Variants in GMFB observed in about 807,000 individuals in gnomAD.
GMFB encodes the protein GMF-beta.
A neutral mutation model predicts 25.6 loss-of-function variants in GMFB; 13 were observed. The observed-to-expected ratio is 0.51, with a 90% CI of 0.33 to 0.81. The LOEUF (loss-of-function observed/expected upper bound fraction) is 0.81, where lower values mean the gene tolerates loss of function less well. GMFB is among the 30% of genes least tolerant of loss of function. The probability of loss-of-function intolerance (pLI) is 0.02; values close to 1 mark genes in which losing one functional copy is unlikely to be tolerated. For synonymous variants in GMFB, 57 were observed against 56.9 expected, an observed-to-expected ratio of 1.00 and a Z score of 0.00; for missense variants, 146 against 175.4, an observed-to-expected ratio of 0.83 and a Z score of 0.95.
intron 1 of GMFB, 143 bp downstream of exon 1, chr14:54,488,781 TG>T: frequency 1.7e-6 from 1 of 603,266 alleles, no homozygotes; most frequent in Non-Finnish European, 2.7e-6. Context: ...ACTCTAGCTA[TG>T]GGCACTGGCC....
chr14:54,480,010 T>G (rs909269491), intron 5 of GMFB, 151 bp from the exon 6 acceptor site: 2 of 562,480 alleles, frequency 3.6e-6, no homozygotes, highest in African/African-American at 1.9e-5. Context: ...AGTCTTACAT[T>G]GCACACTGCC....
intron 1 of GMFB, among the ~76,000 whole-genome samples, chr14:54,486,762 G>T (rs904070917): frequency 2.6e-5 from 4 of 151,960 alleles, no homozygotes; most frequent in Admixed American, 2.0e-4. Flanking sequence ...AAGAAACTAA[G>T]GTTTAGAGAG....
chr14:54,483,427 C>A, intron 2 of GMFB: 4 of 428,616 alleles, frequency 9.3e-6, no homozygotes, highest in Non-Finnish European at 1.7e-5. Flanking sequence ...CCAAGACGAC[C>A]GCCTTCTCCA....
intron 1 of GMFB, among the ~76,000 whole-genome samples, chr14:54,486,110 C>T (rs946779320): frequency 1.3e-5 from 2 of 152,096 alleles, no homozygotes; most frequent in East Asian, 1.9e-4. Context: ...ATTAGCTGGG[C>T]GTGGTGGCAA....
chr14:54,488,695 C>T, intron 1 of GMFB: 1 of 486,264 alleles, frequency 2.1e-6, no homozygotes, highest in Non-Finnish European at 3.6e-6. Flanking sequence ...AGTCCCATGG[C>T]CCGCTGGGCG....
chr14:54,480,419 A>C (rs2031695137), intron 5 of GMFB: 1 of 157,716 alleles, frequency 6.3e-6, no homozygotes, highest in Non-Finnish European at 1.4e-5. Flanking sequence ...TGAATTCCTT[A>C]AATACCAGTA....
chr14:54,480,638 G>A (rs142971263), intron 5 of GMFB: 1 of 356,798 alleles, frequency 2.8e-6, no homozygotes, highest in African/African-American at 2.1e-5. Flanking sequence ...TGTATGATTT[G>A]AGTCAACAAT....
At chr14:54,480,828 A>C (rs754689184) in intron 5 of GMFB, 46 bp downstream of exon 5, 2 of 943,824 alleles carry the variant, frequency 2.1e-6, no homozygotes, top group Admixed American at 2.1e-5. Context: ...AAAATGGCTT[A>C]ATTGGATCTA....
At chr14:54,483,618 G>T in intron 2 of GMFB, 53 bp downstream of exon 2, 1 of 909,714 alleles carries the variant, frequency 1.1e-6, no homozygotes, top group Non-Finnish European at 1.8e-6. Flanking sequence ...GTAGCTACAA[G>T]ATTAAAAACA....
rs2031623187 is a variant in GMFB at position 54,475,301 on chromosome 14, G to C, written c.*2787C>G. On this transcript the variant is annotated 3_prime_UTR_variant, in exon 7 of 7. Coordinates refer to ENST00000358056, the MANE Select transcript of GMFB (RefSeq NM_004124.3). The stretch of plus-strand genomic sequence containing the variant: ...CCCTAACTGGAAATTTTTAGCTAAA[G>C]TGTCAGACAAGGATACAGTTTATGG... The C allele has an allele frequency of 6.6e-6, 1 of 152,494 alleles. No individual in the cohort carries two copies. Among genetic ancestry groups the C allele is most frequent in the African/African-American group, 2.4e-5 (1 of 41,434 alleles). The allele number at this position is 152,494 out of a possible 1,614,324, so 9.4% of individuals were successfully genotyped here. A position where few individuals can be genotyped will look rare whatever the true frequency, so the allele number is the denominator to read the frequency against.
At chr14:54,487,110 C>A (rs1421831771) in intron 1 of GMFB, among the ~76,000 whole-genome samples, 2 of 152,164 alleles carry the variant, frequency 1.3e-5, no homozygotes, top group Non-Finnish European at 2.9e-5. Flanking sequence ...ATATATAGAT[C>A]TGGGGTCAGG....
At position 54,476,266 on chromosome 14, in the gene GMFB, T is replaced by C. The variant is rs1480064802; in HGVS notation, c.*1822A>G. The C allele has an allele frequency of 6.6e-6, 1 of 151,976 alleles. No individual in the cohort carries two copies. Among genetic ancestry groups the C allele is most frequent in the Non-Finnish European group, 1.5e-5 (1 of 67,878 alleles). 9.4% of individuals were successfully genotyped at this position (151,976 alleles called of 1,614,324 possible). A position where few individuals can be genotyped will look rare whatever the true frequency, so the allele number is the denominator to read the frequency against. On this transcript the variant is annotated 3_prime_UTR_variant, in exon 7 of 7. Coordinates refer to ENST00000358056, the MANE Select transcript of GMFB (RefSeq NM_004124.3). ...TTTAAAAATAAGCAAAACTAAAACA[T>C]GCAAGACAAAATAAGGAACTTCATT...
intron 2 of GMFB, chr14:54,483,269 A>ATG (rs1306260910): frequency 6.4e-6 from 1 of 157,450 alleles, no homozygotes; most frequent in Non-Finnish European, 1.4e-5. Context: ...ATAATGCCCA[A>ATG]AGTCACTATG....
chr14:54,479,928 T>C, intron 5 of GMFB, 69 bp from the exon 6 acceptor site: 2 of 898,510 alleles, frequency 2.2e-6, no homozygotes, highest in Non-Finnish European at 3.7e-6. Flanking sequence ...TCATTATTTT[T>C]ATTTTTTAAA....
intron 1 of GMFB, among the ~76,000 whole-genome samples, chr14:54,487,172 G>A (rs940258779): frequency 6.6e-6 from 1 of 152,212 alleles, no homozygotes; most frequent in African/African-American, 2.4e-5. Context: ...GGGGCAGGTG[G>A]ATCACTTGAG....
chr14:54,479,334 CAG>C (rs2140031596), intron 6 of GMFB: 2 of 152,384 alleles, frequency 1.3e-5, no homozygotes, highest in East Asian at 3.9e-4. Flanking sequence ...TCATATAAAA[CAG>C]AATGTTCTAA....
At chr14:54,481,191 G>T in intron 4 of GMFB, 2 of 568,168 alleles carry the variant, frequency 3.5e-6, no homozygotes, top group East Asian at 5.7e-5. Context: ...AATTTTTATT[G>T]TACACGTTAT....
intron 4 of GMFB, 63 bp downstream of exon 4, chr14:54,481,346 A>T (rs2031708333): frequency 9.6e-7 from 1 of 1,040,552 alleles, no homozygotes; most frequent in Non-Finnish European, 1.5e-6. Flanking sequence ...TTAACAAATG[A>T]GCTCACAAAC....
chr14:54,478,436 A>C lies in GMFB; in HGVS notation c.358-277T>G, dbSNP rs2031669245. 3 of 224,296 alleles carry C rather than the reference A, an allele frequency of 1.3e-5. 1 individual carries two copies. Among genetic ancestry groups the C allele is most frequent in the African/African-American group, 4.5e-5 (2 of 44,324 alleles). The allele number at this position is 224,296 out of a possible 1,614,324, so 13.9% of individuals were successfully genotyped here. On this transcript the variant is annotated intron_variant, in intron 6 of 6. Transcript: ENST00000358056. ...GACAACATGAAACCAAAACTCTCCCAAAAGCACAAATCTACAAATAGTCTA... is the reference window on the plus strand; with the variant it reads ...GACAACATGAAACCAAAACTCTCCCCAAAGCACAAATCTACAAATAGTCTA...
Sources: gnomAD v4.1 joint callset for allele counts (sites outside exome capture counted in the v4.1 genomes callset) on GRCh38, gnomAD v4.1.1 for gene constraint, MANE v1.5 for transcripts, NCBI Gene and HGNC (gene_info 2026-07-23, HGNC 2026-07-21) for gene names.